CNTN1: variants seen among roughly 807,000 people sequenced by gnomAD.
CNTN1 encodes the protein contactin 1, also known as contactin-1.
A neutral mutation model predicts 126.4 loss-of-function variants in CNTN1; 38 were observed. The observed-to-expected ratio is 0.30, with a 90% CI of 0.23 to 0.39. The LOEUF (loss-of-function observed/expected upper bound fraction) is 0.39, where lower values mean the gene tolerates loss of function less well. Among genes scored for constraint, CNTN1 ranks in the 10% least tolerant of loss-of-function variants. The probability of loss-of-function intolerance (pLI) is 1.00; values close to 1 mark genes in which losing one functional copy is unlikely to be tolerated. For synonymous variants in CNTN1, 413 were observed against 422.6 expected, an observed-to-expected ratio of 0.98 and a Z score of 0.28; for missense variants, 1,009 against 1,248.4, an observed-to-expected ratio of 0.81 and a Z score of 2.89.
chr12:41,064,769 C>CCAGATAGATAGA (rs1555207079), intron 23 of CNTN1, among the ~76,000 whole-genome samples: 1 of 150,600 alleles, frequency 6.6e-6, no homozygotes, highest in African/African-American at 2.5e-5. Context: ...TGCTACCTCT[C>CCAGATAGATAGA]TAGATAGATA....
intron 23 of CNTN1, among the ~76,000 whole-genome samples, chr12:41,055,644 G>A (rs1001269284): frequency 3.9e-5 from 6 of 152,066 alleles, no homozygotes; most frequent in Non-Finnish European, 7.4e-5. Context: ...CATGAATGGA[G>A]GTTTGGCAGT....
chr12:40,767,375 C>G (rs1939144213), intron 1 of CNTN1, among the ~76,000 whole-genome samples: 1 of 123,942 alleles, frequency 8.1e-6, no homozygotes, highest in Non-Finnish European at 1.6e-5. Context: ...GTGGCACGAT[C>G]TCGGCTCACT....
intron 1 of CNTN1, among the ~76,000 whole-genome samples, chr12:40,749,521 G>C (rs935588745): frequency 2.6e-5 from 4 of 151,894 alleles, no homozygotes; most frequent in African/African-American, 7.2e-5. Flanking sequence ...TATTTTTTTT[G>C]TTAATAACCT....
intron 1 of CNTN1, among the ~76,000 whole-genome samples, chr12:40,766,706 G>A (rs1032639163): frequency 1.3e-5 from 2 of 152,194 alleles, no homozygotes; most frequent in African/African-American, 4.8e-5. Flanking sequence ...GGTGGAGGAT[G>A]AGAAGAGATG....
At chr12:40,787,647 C>A (rs1007793847) in intron 1 of CNTN1, among the ~76,000 whole-genome samples, 7 of 151,898 alleles carry the variant, frequency 4.6e-5, no homozygotes, top group Non-Finnish European at 8.8e-5. Context: ...TCCAGGCAGT[C>A]ACAGGGATTT....
chr12:40,947,550 C>T (rs1946473535), intron 14 of CNTN1, among the ~76,000 whole-genome samples: 1 of 151,826 alleles, frequency 6.6e-6, no homozygotes, highest in Non-Finnish European at 1.5e-5. Context: ...AGACTTAAGA[C>T]AATCTATCAA....
At position 40,747,369 on chromosome 12, in the gene CNTN1, T is replaced by A. The variant is rs143149548; in HGVS notation, c.-77+54777T>A. Among the ~76,000 whole-genome samples the A allele has an allele frequency of 3.0e-3, 451 of 150,856 alleles. 2 individuals carry two copies. The highest frequency in any genetic ancestry group is 6.8e-3 in the Middle Eastern group (2 of 294). The stretch of plus-strand genomic sequence containing the variant: ...TTAGATAAGGTGGTCAGAGAAGGTA[T>A]CTTCAGAGAAGCAAGCCGTGCAAAG... On this transcript the variant is annotated intron_variant, in intron 1 of 23. Coordinates refer to ENST00000551295, the MANE Select transcript of CNTN1 (RefSeq NM_001843.4).
At chr12:40,860,178 T>C (rs1229457849) in intron 1 of CNTN1, among the ~76,000 whole-genome samples, 1 of 152,152 alleles carries the variant, frequency 6.6e-6, no homozygotes, top group Non-Finnish European at 1.5e-5. Context: ...TTGCATACTT[T>C]ATTAGCTAGT....
intron 15 of CNTN1, among the ~76,000 whole-genome samples, chr12:40,966,039 C>T (rs549414513): frequency 4.0e-5 from 6 of 148,930 alleles, no homozygotes; most frequent in Admixed American, 2.0e-4. Context: ...CACACACACA[C>T]GCACGCATTG....
chr12:40,910,184 C>A, intron 3 of CNTN1, 79 bp downstream of exon 3: 1 of 1,137,512 alleles, frequency 8.8e-7, no homozygotes, highest in Non-Finnish European at 1.3e-6. Flanking sequence ...AAACTATTAA[C>A]TCTCTAAACT....
At chr12:41,037,701 CAT>C (rs1949297905) in intron 23 of CNTN1, among the ~76,000 whole-genome samples, 5 of 143,150 alleles carry the variant, frequency 3.5e-5, no homozygotes, top group South Asian at 2.2e-4. Flanking sequence ...CACACACACA[CAT>C]ATTTATATAT....
At chr12:40,807,913 G>A (rs752557058) in intron 1 of CNTN1, among the ~76,000 whole-genome samples, 5 of 152,118 alleles carry the variant, frequency 3.3e-5, no homozygotes, top group Admixed American at 1.3e-4. Context: ...TAAATAGGAT[G>A]GTTCAAAGCA....
At chr12:40,953,777 C>A (rs1261937031) in intron 14 of CNTN1, among the ~76,000 whole-genome samples, 1 of 148,714 alleles carries the variant, frequency 6.7e-6, no homozygotes, top group East Asian at 2.0e-4. Flanking sequence ...TTACATGTGA[C>A]AGTATAAGAA....
At chr12:41,024,105 A>T (rs1441927259) in intron 20 of CNTN1, among the ~76,000 whole-genome samples, 1 of 152,162 alleles carries the variant, frequency 6.6e-6, no homozygotes, top group Non-Finnish European at 1.5e-5. Context: ...AAATGTGCTC[A>T]TTCAACACAT....
intron 1 of CNTN1, among the ~76,000 whole-genome samples, chr12:40,714,781 C>T (rs11178015): frequency 0.2 from 30,675 of 151,938 alleles, 3,218 homozygotes; most frequent in Middle Eastern, 0.28. Flanking sequence ...ATCCAGTTCC[C>T]GAGGGATTCT....
chr12:40,868,852 T>A (rs1369713751), intron 1 of CNTN1, among the ~76,000 whole-genome samples: 2 of 152,152 alleles, frequency 1.3e-5, no homozygotes, highest in Admixed American at 6.6e-5. Context: ...CCACTGGTAC[T>A]GTGCTAGAAA....
intron 14 of CNTN1, among the ~76,000 whole-genome samples, chr12:40,954,458 T>C (rs1592315965): frequency 6.6e-6 from 1 of 152,196 alleles, no homozygotes; most frequent in East Asian, 1.9e-4. Flanking sequence ...CTTCTCTATA[T>C]ATGAATCTTA....
intron 1 of CNTN1, among the ~76,000 whole-genome samples, chr12:40,707,791 C>A (rs1052787621): frequency 1.3e-5 from 2 of 152,020 alleles, no homozygotes; most frequent in African/African-American, 4.8e-5. Context: ...TTGAAGTCTT[C>A]AGTTTCTTGG....
intron 1 of CNTN1, among the ~76,000 whole-genome samples, chr12:40,824,921 A>T (rs1232098410): frequency 6.6e-6 from 1 of 152,138 alleles, no homozygotes; most frequent in East Asian, 1.9e-4. Flanking sequence ...TTACATATAG[A>T]CACAGTTCTA....
Sources: gnomAD v4.1 joint callset for allele counts (sites outside exome capture counted in the v4.1 genomes callset) on GRCh38, gnomAD v4.1.1 for gene constraint, MANE v1.5 for transcripts, NCBI Gene and HGNC (gene_info 2026-07-23, HGNC 2026-07-21) for gene names.